OPCML: variants seen among roughly 807,000 people sequenced by gnomAD.
OPCML encodes opioid-binding protein/cell adhesion molecule.
OPCML carries 13 observed loss-of-function variants against 37.8 expected under a neutral mutation model. The ratio of observed to expected loss-of-function variants is 0.34; its 90% CI spans 0.22 to 0.55. The LOEUF is 0.55. Among genes scored for constraint, OPCML ranks in the 20% least tolerant of loss-of-function variants. The pLI, the probability that OPCML is intolerant of heterozygous loss-of-function variation, is 0.91. For missense variants in OPCML, 341 were observed against 435.6 expected, an observed-to-expected ratio of 0.78 and a Z score of 1.93; for synonymous variants, 176 against 168.8, an observed-to-expected ratio of 1.04 and a Z score of -0.33.
intron 1 of OPCML, among the ~76,000 whole-genome samples, chr11:133,460,649 A>C (rs1007210575): frequency 6.6e-6 from 1 of 151,928 alleles, no homozygotes; most frequent in African/African-American, 2.4e-5. Context: ...ACGAAGAAAT[A>C]AAAAATTTGA....
At chr11:133,531,754 A>AGT (rs958453492) in intron 1 of OPCML, among the ~76,000 whole-genome samples, 2 of 150,268 alleles carry the variant, frequency 1.3e-5, no homozygotes, top group African/African-American at 4.9e-5. Flanking sequence ...GGAGAGAGAG[A>AGT]GAGAGAGAGA....
At chr11:133,003,657 T>TA (rs1235113099) in intron 1 of OPCML, 7 of 985,292 alleles carry the variant, frequency 7.1e-6, no homozygotes, top group Non-Finnish European at 6.0e-6. Flanking sequence ...TGGAACATAC[T>TA]AAAAAAACAA....
chr11:132,760,849 A>G (rs1946236616), intron 2 of OPCML, among the ~76,000 whole-genome samples: 1 of 152,126 alleles, frequency 6.6e-6, no homozygotes, highest in Admixed American at 6.5e-5. Flanking sequence ...TTATGATGCT[A>G]ACTGGTTATT....
chr11:133,303,034 G>A (rs146223474), intron 1 of OPCML, among the ~76,000 whole-genome samples: 6 of 152,228 alleles, frequency 3.9e-5, no homozygotes, highest in South Asian at 2.1e-4. Flanking sequence ...TTTGGATATC[G>A]GTTATTGAGC....
intron 3 of OPCML, among the ~76,000 whole-genome samples, chr11:132,615,977 T>C (rs930687745): frequency 6.6e-6 from 1 of 152,206 alleles, no homozygotes; most frequent in Admixed American, 6.5e-5. Context: ...CCAATGAATC[T>C]AGGCTACACT....
At chr11:133,119,614 C>T (rs1211741257) in intron 1 of OPCML, among the ~76,000 whole-genome samples, 4 of 152,116 alleles carry the variant, frequency 2.6e-5, no homozygotes, top group Non-Finnish European at 4.4e-5. Flanking sequence ...GTGCAAACAG[C>T]ATAGGGCATA....
At chr11:133,327,768 A>C (rs1328562859) in intron 1 of OPCML, among the ~76,000 whole-genome samples, 1 of 152,118 alleles carries the variant, frequency 6.6e-6, no homozygotes, top group Non-Finnish European at 1.5e-5. Flanking sequence ...GTTCCCTGGT[A>C]TGTTGGGGTT....
chr11:133,041,529 G>T (rs188291367), intron 1 of OPCML, among the ~76,000 whole-genome samples: 9 of 152,180 alleles, frequency 5.9e-5, no homozygotes, highest in Non-Finnish European at 8.8e-5. Flanking sequence ...TCCAGGAAAG[G>T]AGAAAGGCAT....
At chr11:133,193,501 G>A (rs1037015923) in intron 1 of OPCML, among the ~76,000 whole-genome samples, 1 of 152,168 alleles carries the variant, frequency 6.6e-6, no homozygotes. Flanking sequence ...CATTCGAAAT[G>A]CCACAGGAGT....
chr11:133,418,062 C>G (rs556983075), intron 1 of OPCML: 3 of 985,300 alleles, frequency 3.0e-6, no homozygotes, highest in African/African-American at 3.5e-5. Flanking sequence ...ACTGCTTGAA[C>G]ACAGTGCTAC....
intron 3 of OPCML, among the ~76,000 whole-genome samples, chr11:132,575,007 G>A (rs1485452776): frequency 2.0e-5 from 3 of 151,936 alleles, no homozygotes; most frequent in Non-Finnish European, 4.4e-5. Flanking sequence ...TATGCAAGGT[G>A]CTTCTTGGTC....
At chr11:133,489,090 A>G (rs572925931) in intron 1 of OPCML, among the ~76,000 whole-genome samples, 1 of 152,234 alleles carries the variant, frequency 6.6e-6, no homozygotes, top group South Asian at 2.1e-4. Flanking sequence ...GATGGATTAA[A>G]GACCTAAAGG....
intron 1 of OPCML, among the ~76,000 whole-genome samples, chr11:133,475,824 C>A (rs1416755916): frequency 6.6e-6 from 1 of 152,164 alleles, no homozygotes; most frequent in East Asian, 1.9e-4. Context: ...CTGAGTGTCT[C>A]CCCTGAGATC....
At chr11:132,933,049 T>C (rs760057015) in intron 2 of OPCML, among the ~76,000 whole-genome samples, 109 of 152,138 alleles carry the variant, frequency 7.2e-4, no homozygotes, top group Non-Finnish European at 1.4e-3. Context: ...GACTCGCCCA[T>C]CATAAAGCAG....
intron 7 of OPCML, among the ~76,000 whole-genome samples, chr11:132,422,760 C>T (rs1040708573): frequency 2.0e-5 from 3 of 152,208 alleles, no homozygotes; most frequent in African/African-American, 7.2e-5. Context: ...TGGATTAGAA[C>T]CAAGTCACTG....
At chr11:133,022,058 G>C (rs1473079394) in intron 1 of OPCML, among the ~76,000 whole-genome samples, 1 of 152,202 alleles carries the variant, frequency 6.6e-6, no homozygotes, top group Non-Finnish European at 1.5e-5. Context: ...GGCTTGCTTG[G>C]GGTGGGAAGA....
At chr11:133,244,687 C>T (rs202015023) in intron 1 of OPCML, among the ~76,000 whole-genome samples, 2 of 102,356 alleles carry the variant, frequency 2.0e-5, no homozygotes, top group East Asian at 8.7e-4. Flanking sequence ...TGGAACTTCC[C>T]CCTTTGCTCA....
At chr11:132,935,054 G>A (rs1451495289) in intron 2 of OPCML, among the ~76,000 whole-genome samples, 5 of 151,676 alleles carry the variant, frequency 3.3e-5, no homozygotes, top group East Asian at 3.9e-4. Context: ...CAGGAGAATC[G>A]CTTGAACCCA....
intron 2 of OPCML, among the ~76,000 whole-genome samples, chr11:132,728,386 G>C (rs886350554): frequency 6.6e-6 from 1 of 152,216 alleles, no homozygotes; most frequent in Non-Finnish European, 1.5e-5. Flanking sequence ...TGAAGGCATC[G>C]TTTGGGTGTG....
Sources: allele counts gnomAD v4.1 joint callset (sites outside exome capture counted in the v4.1 genomes callset), GRCh38; gene constraint gnomAD v4.1.1; transcripts MANE v1.5; gene names NCBI Gene and HGNC (gene_info 2026-07-23, HGNC 2026-07-21).